The following KAZN variants were observed in gnomAD, a reference collection of about 807,000 sequenced individuals.
KAZN encodes kazrin, periplakin interacting protein.
In KAZN, 40 loss-of-function variants were observed where a neutral mutation model predicts 87.4. That is an observed-to-expected ratio of 0.46 (90% confidence interval 0.36 to 0.60). The LOEUF (loss-of-function observed/expected upper bound fraction) is 0.60, where lower values mean the gene tolerates loss of function less well. Ranked by LOEUF, KAZN falls within the 20% of genes least tolerant of loss-of-function variation. The pLI is 0.00. For synonymous variants in KAZN, 466 were observed against 458.3 expected (o/e 1.02, Z -0.22); for missense variants, 898 against 1,073.9 (o/e 0.84, Z 2.29).
At chr1:15,098,794 A>G (rs1390227737) in intron 10 of KAZN, among the ~76,000 whole-genome samples, 3 of 152,266 alleles carry the variant, frequency 2.0e-5, no homozygotes, top group Non-Finnish European at 4.4e-5. Flanking sequence ...GGACTGGGGC[A>G]GATGACCCGC....
chr1:14,848,775 T>C (rs1649082289), intron 1 of KAZN, among the ~76,000 whole-genome samples: 1 of 152,200 alleles, frequency 6.6e-6, no homozygotes, highest in South Asian at 2.1e-4. Flanking sequence ...TGGCACTTCA[T>C]CAAGGGCCAT....
At chr1:14,608,536 T>G (rs1360134810) in intron 1 of KAZN, among the ~76,000 whole-genome samples, 2 of 152,206 alleles carry the variant, frequency 1.3e-5, no homozygotes, top group Admixed American at 1.3e-4. Flanking sequence ...GATAGATTAT[T>G]AAAAAGTACA....
At chr1:14,371,707 C>T (rs951686897) in intron 2 of KAZN, among the ~76,000 whole-genome samples, 1 of 152,196 alleles carries the variant, frequency 6.6e-6, no homozygotes, top group African/African-American at 2.4e-5. Context: ...TATTTATTGA[C>T]ATCCTGAAAT....
At chr1:14,440,317 C>T (rs1352848175) in intron 2 of KAZN, among the ~76,000 whole-genome samples, 3 of 152,120 alleles carry the variant, frequency 2.0e-5, no homozygotes, top group Admixed American at 6.5e-5. Context: ...TCCAGTCCTC[C>T]GTGGGTTGAT....
chr1:14,824,924 G>A (rs1415773388), intron 1 of KAZN, among the ~76,000 whole-genome samples: 2 of 152,230 alleles, frequency 1.3e-5, no homozygotes, highest in Non-Finnish European at 1.5e-5. Flanking sequence ...CCTCTTGGGG[G>A]AAGACTCTTC....
At chr1:13,995,980 C>T (rs1041474042) in intron 1 of KAZN, among the ~76,000 whole-genome samples, 1 of 152,154 alleles carries the variant, frequency 6.6e-6, no homozygotes, top group Admixed American at 6.5e-5. Context: ...GTGAAAAGAA[C>T]CATAATAAGC....
chr1:14,794,311 T>G (rs1645768097), intron 1 of KAZN, among the ~76,000 whole-genome samples: 1 of 152,190 alleles, frequency 6.6e-6, no homozygotes, highest in African/African-American at 2.4e-5. Flanking sequence ...GCATCCAGAA[T>G]GAAACCTCAG....
At chr1:15,069,977 T>C (rs1639433661) in intron 8 of KAZN, among the ~76,000 whole-genome samples, 2 of 152,234 alleles carry the variant, frequency 1.3e-5, no homozygotes, top group South Asian at 4.1e-4. Context: ...CTATGCACTT[T>C]ACACATATTA....
chr1:15,103,932 G>T (rs938643362), intron 12 of KAZN, 91 bp from the exon 13 acceptor site: 2 of 1,314,934 alleles, frequency 1.5e-6, no homozygotes, highest in Non-Finnish European at 2.1e-6. Flanking sequence ...AGCCCTTGCT[G>T]TTGGGGACAG....
chr1:14,532,277 C>G (rs921987987), intron 2 of KAZN, among the ~76,000 whole-genome samples: 19 of 152,046 alleles, frequency 1.2e-4, no homozygotes, highest in Non-Finnish European at 2.2e-4. Flanking sequence ...CACCCTAGTT[C>G]ACCAAAACCC....
At chr1:14,301,602 T>G (rs1393139934) in intron 2 of KAZN, among the ~76,000 whole-genome samples, 1 of 152,218 alleles carries the variant, frequency 6.6e-6, no homozygotes, top group Admixed American at 6.5e-5. Flanking sequence ...AAATTTGGCT[T>G]GAGGCTTCAC....
At chr1:14,147,861 A>G (rs1414718422) in intron 1 of KAZN, among the ~76,000 whole-genome samples, 1 of 151,908 alleles carries the variant, frequency 6.6e-6, no homozygotes, top group Non-Finnish European at 1.5e-5. Context: ...GGTGCCTGGT[A>G]CATAAGAGGT....
chr1:14,130,676 C>T (rs1644973912), intron 1 of KAZN, among the ~76,000 whole-genome samples: 1 of 152,182 alleles, frequency 6.6e-6, no homozygotes, highest in East Asian at 1.9e-4. Context: ...CTTCTTGCTG[C>T]CTCTGGGGTT....
chr1:14,086,714 A>G (rs1183709083), intron 1 of KAZN, among the ~76,000 whole-genome samples: 1 of 152,172 alleles, frequency 6.6e-6, no homozygotes, highest in Non-Finnish European at 1.5e-5. Context: ...ATTTAGGTCT[A>G]TGATCCATTT....
intron 1 of KAZN, among the ~76,000 whole-genome samples, chr1:14,157,818 G>A (rs116647798): frequency 0.029 from 4,383 of 152,232 alleles, 210 homozygotes; most frequent in African/African-American, 0.1. Context: ...GCCTCAGGAA[G>A]CTTACAATCA....
intron 1 of KAZN, among the ~76,000 whole-genome samples, chr1:14,860,035 C>T (rs1263629741): frequency 6.6e-6 from 1 of 152,118 alleles, no homozygotes; most frequent in Admixed American, 6.5e-5. Flanking sequence ...CAGGAAGGAC[C>T]CCTGCTCCCC....
At chr1:14,107,247 C>G (rs1292382345) in intron 1 of KAZN, among the ~76,000 whole-genome samples, 2 of 151,644 alleles carry the variant, frequency 1.3e-5, no homozygotes, top group African/African-American at 4.9e-5. Context: ...GTGATCCACC[C>G]CTGTCATCTT....
intron 1 of KAZN, among the ~76,000 whole-genome samples, chr1:13,997,031 T>C (rs2101128378): frequency 6.6e-6 from 1 of 152,270 alleles, no homozygotes; most frequent in Admixed American, 6.5e-5. Context: ...TTCTCCAGCC[T>C]CCTCAAGTAA....
intron 2 of KAZN, among the ~76,000 whole-genome samples, chr1:14,968,373 G>A (rs989738693): frequency 8.5e-5 from 13 of 152,160 alleles, no homozygotes; most frequent in Non-Finnish European, 1.8e-4. Context: ...ATGAAACTTC[G>A]CTCGCTCGCC....
Sources: gnomAD v4.1 joint callset for allele counts (sites outside exome capture counted in the v4.1 genomes callset) on GRCh38, gnomAD v4.1.1 for gene constraint, MANE v1.5 for transcripts, NCBI Gene and HGNC (gene_info 2026-07-23, HGNC 2026-07-21) for gene names.